The following SNAPC1 variants were observed in gnomAD, a reference collection of about 807,000 sequenced individuals.
SNAPC1 encodes the protein small nuclear RNA activating complex polypeptide 1, also known as snRNA-activating protein complex subunit 1.
SNAPC1 carries 42 observed loss-of-function variants against 50.1 expected under a neutral mutation model. That is an observed-to-expected ratio of 0.84 (90% CI 0.65 to 1.08). The LOEUF (loss-of-function observed/expected upper bound fraction) is 1.08, where lower values mean the gene tolerates loss of function less well. Among genes scored for constraint, SNAPC1 ranks in the 50% least tolerant of loss-of-function variants. The probability of loss-of-function intolerance (pLI) is 0.00; values close to 1 mark genes in which losing one functional copy is unlikely to be tolerated. For synonymous variants in SNAPC1, 164 were observed against 144.2 expected, an observed-to-expected ratio of 1.14 and a Z score of -0.98; for missense variants, 477 against 427.3, an observed-to-expected ratio of 1.12 and a Z score of -1.02.
Position 61,778,095 on chromosome 14 carries a change from T to G in SNAPC1, c.717T>G (p.Thr239=), listed in dbSNP as rs376868809. The G allele has an allele frequency of 6.2e-6, 10 of 1,603,036 alleles. No homozygotes were observed. Among genetic ancestry groups the G allele is most frequent in the African/African-American group, 1.3e-5 (1 of 74,508 alleles). Residue 239 remains threonine (T), a synonymous_variant, in exon 6 of 10, where the codon ACT becomes ACG. Transcript: ENST00000216294. ...AGAATCCATCCTTAAAGTCAAAAAC[T>G]AATGATGGAGAAGAAAAAATGGAAG... ...DRKNPSLKSK[T]NDGEEKMEGN...
At chr14:61,778,027 A>G in intron 5 of SNAPC1, 45 bp from the exon 6 acceptor site, 1 of 907,270 alleles carries the variant, frequency 1.1e-6, no homozygotes, top group South Asian at 1.8e-5. Context: ...TGAATTGTAA[A>G]TTTGTATGTG....
At chr14:61,769,933 T>C (rs529813284) in intron 4 of SNAPC1, among the ~76,000 whole-genome samples, 7 of 152,276 alleles carry the variant, frequency 4.6e-5, no homozygotes, top group African/African-American at 9.6e-5. Context: ...AAAGAACATA[T>C]AGAGAGGAGA....
At chr14:61,785,690 T>TG (rs1256063256) in intron 8 of SNAPC1, among the ~76,000 whole-genome samples, 1 of 152,150 alleles carries the variant, frequency 6.6e-6, no homozygotes, top group Non-Finnish European at 1.5e-5. Context: ...AGGCAACAAG[T>TG]GGGGGCTTCC....
In SNAPC1 at chr14:61,762,447, G is replaced by A. The variant is rs1441241607; in HGVS notation, c.-14G>A. 2.4e-5 allele frequency: 38 copies of A among 1,611,254 alleles called. No individual in the cohort carries two copies. The highest frequency in any genetic ancestry group is 3.1e-5 in the Non-Finnish European group (37 of 1,179,710). ...AGGCGTGCGGGCTTCGGAGGCGTGC[G>A]GGCTTCGGGTGCCATGGGGACTCCT... is the stretch of plus-strand genomic sequence containing the variant. On this transcript the variant is annotated 5_prime_UTR_variant, in exon 1 of 10. Transcript: ENST00000216294.
At chr14:61,788,923 T>C (rs1359210625) in intron 8 of SNAPC1, among the ~76,000 whole-genome samples, 1 of 152,176 alleles carries the variant, frequency 6.6e-6, no homozygotes, top group Non-Finnish European at 1.5e-5. Flanking sequence ...TACAAAGGAA[T>C]ACTTTGCAGT....
rs111952402 is a variant in SNAPC1, at chr14:61,769,225, G to A, written c.534+485G>A. 8.5e-3 allele frequency among the ~76,000 whole-genome samples: 1,288 copies of A among 151,968 alleles called. 7 individuals carry two copies. Among genetic ancestry groups the A allele is most frequent in the Middle Eastern group, 0.031 (9 of 294 alleles). ...ATACAAAAGTTAGCTGGGCATGGTG[G>A]CGCACGTCTGTGGTCCCAGCTACTG... On this transcript the variant is annotated intron_variant, in intron 4 of 9. Transcript: ENST00000216294.
intron 4 of SNAPC1, among the ~76,000 whole-genome samples, chr14:61,772,638 C>A (rs2045000538): frequency 6.6e-6 from 1 of 152,226 alleles, no homozygotes; most frequent in Admixed American, 6.5e-5. Context: ...GATCTTCCTA[C>A]CTTGGCCTCC....
chr14:61,783,528 G>GTTTTTTTT (rs577941212), intron 8 of SNAPC1, among the ~76,000 whole-genome samples: 65 of 110,142 alleles, frequency 5.9e-4, no homozygotes, highest in African/African-American at 6.8e-4. Flanking sequence ...GTTTGGTTTG[G>GTTTTTTTT]TTTTTTTTTT....
At chr14:61,768,996 T>C (rs560957708) in intron 4 of SNAPC1, among the ~76,000 whole-genome samples, 3 of 152,214 alleles carry the variant, frequency 2.0e-5, no homozygotes, top group Admixed American at 6.5e-5. Context: ...ACTAAAACTA[T>C]TGTTTGTATT....
At chr14:61,762,694 A>T in intron 1 of SNAPC1, 106 bp downstream of exon 1, 1 of 1,367,916 alleles carries the variant, frequency 7.3e-7, no homozygotes, top group Non-Finnish European at 1.0e-6. Context: ...GAAGAGCGGC[A>T]GTCACCGAAG....
At chr14:61,769,409 T>C (rs867687106) in intron 4 of SNAPC1, among the ~76,000 whole-genome samples, 47 of 145,334 alleles carry the variant, frequency 3.2e-4, no homozygotes, top group Non-Finnish European at 4.4e-4. Flanking sequence ...TTTTTTTTTT[T>C]TTTTCTCACA....
rs372497186 is a variant in SNAPC1, at chr14:61,766,946, T to C, written c.199T>C (p.Leu67=). 2 of 1,610,680 alleles carry C rather than the reference T, an allele frequency of 1.2e-6. No individual in the cohort carries two copies. Among genetic ancestry groups the C allele is most frequent in the East Asian group, 2.2e-5 (1 of 44,816 alleles). Residue 67 remains leucine, a synonymous_variant, in exon 2 of 10, where the codon TTA becomes CTA. Coordinates refer to ENST00000216294, the MANE Select transcript of SNAPC1 (RefSeq NM_003082.4). ...TTTAGCTTTGGCTTGGCGATATTTT[T>C]TACCTCCATACACCTTCCAGATCAG... The part of the protein sequence containing the change: ...EALALAWRYF[L]PPYTFQIRVG...
intron 4 of SNAPC1, among the ~76,000 whole-genome samples, chr14:61,773,057 TC>T (rs1324046952): frequency 6.6e-6 from 1 of 152,230 alleles, no homozygotes; most frequent in African/African-American, 2.4e-5. Flanking sequence ...TTTTAAATTT[TC>T]CTTCTACTGC....
intron 4 of SNAPC1, among the ~76,000 whole-genome samples, chr14:61,774,993 T>C (rs1033023959): frequency 1.3e-5 from 2 of 152,078 alleles, no homozygotes; most frequent in Non-Finnish European, 2.9e-5. Context: ...AGGTGTTGAT[T>C]CTACCAAAAT....
Position 61,776,021 on chromosome 14 carries a change from A to G in SNAPC1, c.535-74A>G, listed in dbSNP as rs76195218. ...CTGGAAGTCACTTTGGAAGGTGACT[A>G]TTTTGTGTTGGTTTTGCCTTTTAGT... On this transcript the variant is annotated intron_variant, in intron 4 of 9. Coordinates refer to ENST00000216294, the MANE Select transcript of SNAPC1 (RefSeq NM_003082.4). The G allele has an allele frequency of 2.9e-3, 3,410 of 1,170,312 alleles. 77 individuals carry two copies. The African/African-American group carries it at 0.047, about 16-fold the overall frequency. 72.5% of individuals were successfully genotyped at this position (1,170,312 alleles called of 1,614,324 possible).
chr14:61,776,615 G>T (rs1244321350), intron 5 of SNAPC1, among the ~76,000 whole-genome samples: 1 of 152,128 alleles, frequency 6.6e-6, no homozygotes, highest in Non-Finnish European at 1.5e-5. Flanking sequence ...TTCTAACACT[G>T]TTTAAAATTT....
intron 9 of SNAPC1, among the ~76,000 whole-genome samples, chr14:61,793,170 C>T (rs2045164900): frequency 6.6e-6 from 1 of 152,186 alleles, no homozygotes; most frequent in Admixed American, 6.5e-5. Flanking sequence ...CTCTGACCTG[C>T]TTTCATCTGG....
intron 4 of SNAPC1, among the ~76,000 whole-genome samples, chr14:61,770,583 G>A (rs953959164): frequency 9.9e-5 from 15 of 152,076 alleles, no homozygotes; most frequent in South Asian, 2.1e-4. Context: ...CAGGTTGTTT[G>A]TAATTCAGGT....
rs759114235 is a variant in SNAPC1, at chr14:61,762,579, C to G, written c.119C>G (p.Thr40Ser). 26 of 1,613,478 alleles carry G rather than the reference C, an allele frequency of 1.6e-5. No individual in the cohort carries two copies. The highest frequency in any genetic ancestry group is 2.2e-5 in the Non-Finnish European group (26 of 1,179,728). The change falls in exon 1 of 10, where the codon ACT (threonine) becomes AGT (serine). Residue 40 changes from threonine to serine, a missense_variant. Thr to Ser is a moderately conservative substitution (Grantham distance 58). Coordinates refer to ENST00000216294, the MANE Select transcript of SNAPC1 (RefSeq NM_003082.4). The stretch of plus-strand genomic sequence containing the variant: ...CTCTGGAGAAACATGAAGTTCGGGA[C>G]TATCTTCTGGTGGGTGTTTCTTGTC... ...TELWRNMKFG[T>S]IFCGRMRNLE... is the part of the protein sequence containing the mutation.
Sources: allele counts gnomAD v4.1 joint callset (sites outside exome capture counted in the v4.1 genomes callset), GRCh38; gene constraint gnomAD v4.1.1; transcripts MANE v1.5; gene names NCBI Gene and HGNC (gene_info 2026-07-23, HGNC 2026-07-21).